The following PHLPP1 variants were observed in gnomAD, a reference collection of about 807,000 sequenced individuals.
PHLPP1 encodes the protein PH domain and leucine rich repeat protein phosphatase 1, also known as PH domain leucine-rich repeat-containing protein phosphatase 1.
In PHLPP1, 42 loss-of-function variants were observed where a neutral mutation model predicts 117.2. The ratio of observed to expected loss-of-function variants is 0.36; its 90% confidence interval spans 0.28 to 0.46. The LOEUF (loss-of-function observed/expected upper bound fraction) is 0.46, where lower values mean the gene tolerates loss of function less well. PHLPP1 is among the 20% of genes least tolerant of loss of function. The pLI, the probability that PHLPP1 is intolerant of heterozygous loss-of-function variation, is 1.00. For synonymous variants in PHLPP1, 1,042 were observed against 970.7 expected, an observed-to-expected ratio of 1.07 and a Z score of -1.37; for missense variants, 2,084 against 2,241.9, an observed-to-expected ratio of 0.93 and a Z score of 1.42.
At position 62,716,061 on chromosome 18, in the gene PHLPP1, G is replaced by A; in HGVS notation, c.378G>A (p.Leu126=). 1 of 1,480,962 alleles carries A rather than the reference G, an allele frequency of 6.8e-7. No individual in the cohort carries two copies. Among genetic ancestry groups the A allele is most frequent in the Non-Finnish European group, 8.9e-7 (1 of 1,125,064 alleles). The allele number at this position is 1,480,962 out of a possible 1,614,324, so 91.7% of individuals were successfully genotyped here. Residue 126 remains leucine (L), a synonymous_variant, in exon 1 of 17, where the codon CTG becomes CTA. Coordinates refer to ENST00000262719, the MANE Select transcript of PHLPP1 (RefSeq NM_194449.4). This position sits in a 1 kb window ranked among gnomAD's most constrained non-coding sequence, Gnocchi z 5.7. ...CCCTCCTGCTGAGGAGAGGGCGGCT[G>A]AAGAGGAATCTGTCCGCGGCCGCCG... ...ANSLLLRRGR[L]KRNLSAAAAA...
At chr18:62,828,138 A>G (rs1385050121) in intron 1 of PHLPP1, among the ~76,000 whole-genome samples, 3 of 151,450 alleles carry the variant, frequency 2.0e-5, no homozygotes, top group Non-Finnish European at 4.4e-5. Context: ...TTAGTCCTTC[A>G]CTTGCTTTTC....
intron 1 of PHLPP1, among the ~76,000 whole-genome samples, chr18:62,801,523 G>A (rs1913783753): frequency 6.6e-6 from 1 of 152,014 alleles, no homozygotes. Context: ...CGTGATCTTG[G>A]CTTACTGCAA....
At chr18:62,900,228 C>T (rs1377887317) in intron 6 of PHLPP1, among the ~76,000 whole-genome samples, 1 of 151,708 alleles carries the variant, frequency 6.6e-6, no homozygotes, top group Non-Finnish European at 1.5e-5. Flanking sequence ...ACCCAGGAGG[C>T]GGAGGTTGCA....
intron 1 of PHLPP1, among the ~76,000 whole-genome samples, chr18:62,727,873 T>C (rs745512772): frequency 6.6e-6 from 1 of 152,072 alleles, no homozygotes; most frequent in African/African-American, 2.4e-5. Flanking sequence ...TATGGACTTA[T>C]CAGGATACTC....
chr18:62,890,354 T>TCTCC (rs1223061142), intron 4 of PHLPP1, among the ~76,000 whole-genome samples: 1 of 151,912 alleles, frequency 6.6e-6, no homozygotes, highest in Non-Finnish European at 1.5e-5. Context: ...GTAACCTCTG[T>TCTCC]CTCCCTGGTT....
intron 12 of PHLPP1, among the ~76,000 whole-genome samples, chr18:62,951,550 G>A (rs1910458289): frequency 1.3e-5 from 2 of 152,150 alleles, no homozygotes; most frequent in South Asian, 2.1e-4. Flanking sequence ...AGATCCTGAG[G>A]GCAAAGGGAA....
At chr18:62,851,927 A>T (rs1915362943) in intron 3 of PHLPP1, among the ~76,000 whole-genome samples, 1 of 151,664 alleles carries the variant, frequency 6.6e-6, no homozygotes, top group South Asian at 2.1e-4. Flanking sequence ...CCCATGCTGG[A>T]GGGCAGTGGC....
At chr18:62,930,730 GAATATA>G (rs1486039322) in intron 10 of PHLPP1, among the ~76,000 whole-genome samples, 1 of 152,140 alleles carries the variant, frequency 6.6e-6, no homozygotes. Flanking sequence ...AACAACCACA[GAATATA>G]CATTCTTCTT....
Position 62,958,146 on chromosome 18 carries a change from C to T in PHLPP1, c.3325-483C>T, listed in dbSNP as rs1339724309. Among the ~76,000 whole-genome samples, 80 of 151,958 alleles carry T rather than the reference C, an allele frequency of 5.3e-4. 1 individual carries two copies. The highest frequency in any genetic ancestry group is 5.2e-3 in the Admixed American group (80 of 15,258). The stretch of plus-strand genomic sequence containing the variant: ...CATGTTGGCCAGGCTGGTCTCAAAC[C>T]CCTGACCTCAAGTGATCCACCCTAC... On this transcript the variant is annotated intron_variant, in intron 12 of 16. Transcript: ENST00000262719.
chr18:62,774,020 G>A (rs752960444), intron 1 of PHLPP1, among the ~76,000 whole-genome samples: 5 of 152,096 alleles, frequency 3.3e-5, no homozygotes, highest in African/African-American at 7.2e-5. Context: ...CCACCCAAAG[G>A]TCTCACTTCT....
At chr18:62,803,356 C>T (rs184561879) in intron 1 of PHLPP1, among the ~76,000 whole-genome samples, 13 of 152,140 alleles carry the variant, frequency 8.5e-5, no homozygotes, top group African/African-American at 3.1e-4. Context: ...CCAAGTCCCC[C>T]GCTTTTCCCC....
intron 8 of PHLPP1, among the ~76,000 whole-genome samples, chr18:62,914,599 A>G (rs775669363): frequency 2.0e-5 from 3 of 152,130 alleles, no homozygotes; most frequent in Admixed American, 1.3e-4. Flanking sequence ...ACCATGAGCA[A>G]CTAATTTTTT....
At chr18:62,975,133 C>G (rs1432692257) in intron 15 of PHLPP1, among the ~76,000 whole-genome samples, 1 of 152,182 alleles carries the variant, frequency 6.6e-6, no homozygotes, top group Non-Finnish European at 1.5e-5. Flanking sequence ...CACCCGCCTT[C>G]CAGAGCAGCA....
At chr18:62,850,394 C>CG (rs11462361) in intron 3 of PHLPP1, among the ~76,000 whole-genome samples, 12,001 of 37,190 alleles carry the variant, frequency 0.32, 637 homozygotes, top group African/African-American at 0.33. Context: ...CTCGGGGGGG[C>CG]GGGGGGGAAA....
intron 3 of PHLPP1, among the ~76,000 whole-genome samples, chr18:62,846,443 A>G (rs957287583): frequency 2.0e-5 from 3 of 152,104 alleles, no homozygotes; most frequent in African/African-American, 7.2e-5. Flanking sequence ...CACCATGAAG[A>G]CAAGAAAAGT....
At chr18:62,868,737 A>C (rs1044326094) in intron 4 of PHLPP1, among the ~76,000 whole-genome samples, 1 of 152,212 alleles carries the variant, frequency 6.6e-6, no homozygotes, top group Non-Finnish European at 1.5e-5. Flanking sequence ...CTAATTTCCC[A>C]AACCTATCAT....
chr18:62,940,803 C>T (rs931454920), intron 10 of PHLPP1, among the ~76,000 whole-genome samples: 5 of 152,138 alleles, frequency 3.3e-5, no homozygotes, highest in African/African-American at 7.2e-5. Flanking sequence ...CTTGATGCTT[C>T]GTCTCAAAGT....
intron 1 of PHLPP1, among the ~76,000 whole-genome samples, chr18:62,744,131 G>T (rs988689530): frequency 3.9e-5 from 6 of 152,180 alleles, no homozygotes; most frequent in African/African-American, 1.4e-4. Context: ...TAAGAATCAA[G>T]ATTTCTTCTT....
At chr18:62,933,135 C>T (rs1311043014) in intron 10 of PHLPP1, among the ~76,000 whole-genome samples, 1 of 152,160 alleles carries the variant, frequency 6.6e-6, no homozygotes, top group East Asian at 1.9e-4. Context: ...AGTGGAAAAA[C>T]ATTCCATGCT....
Sources: gnomAD v4.1 joint callset for allele counts (sites outside exome capture counted in the v4.1 genomes callset) on GRCh38, gnomAD v4.1.1 for gene constraint, Gnocchi (gnomAD v3.1) non-coding constraint, MANE v1.5 for transcripts, NCBI Gene and HGNC (gene_info 2026-07-23, HGNC 2026-07-21) for gene names.